UGT1A6: variants seen among roughly 807,000 people sequenced by gnomAD.
UGT1A6 encodes the protein UDP glucuronosyltransferase family 1 member A6, also known as UDP-glucuronosyltransferase 1A6.
UGT1A6 carries 32 observed loss-of-function variants against 44.4 expected under a neutral mutation model. The observed-to-expected ratio is 0.72, with a 90% confidence interval of 0.54 to 0.97. UGT1A6 has a LOEUF of 0.97. UGT1A6 is among the 50% of genes least tolerant of loss of function. The pLI, the probability that UGT1A6 is intolerant of heterozygous loss-of-function variation, is 0.00. For synonymous variants in UGT1A6, 238 were observed against 248.5 expected (o/e 0.96, Z 0.40); for missense variants, 685 against 661.9 (o/e 1.03, Z -0.38).
chr2:233,743,311 AT>A, intron 1 of UGT1A6: 5 of 650,736 alleles, frequency 7.7e-6, no homozygotes, highest in South Asian at 3.0e-5. Context: ...CTTGGTGGTG[AT>A]TTTTTTACCA....
chr2:233,724,289 T>C (rs1391719370), intron 1 of UGT1A6, among the ~76,000 whole-genome samples: 13 of 129,340 alleles, frequency 1.0e-4, no homozygotes, highest in African/African-American at 3.0e-4. Flanking sequence ...GGCGGGGGGC[T>C]GACCCCCCCA....
Position 233,767,538 on chromosome 2 carries a change from C to A in UGT1A6, c.994-311C>A, listed in dbSNP as rs1409490941. 5.3e-5 allele frequency among the ~76,000 whole-genome samples: 8 copies of A among 152,212 alleles called. No homozygotes were observed. The East Asian group carries it at 1.5e-3, about 29-fold the overall frequency. On this transcript the variant is annotated intron_variant, in intron 2 of 4. Transcript: ENST00000305139. ...ACTGAATTTATGTCTTACATTTCTGCTCTTATAGTTCTGCATCCACTTGTT... is the reference window on the plus strand; with the variant it reads ...ACTGAATTTATGTCTTACATTTCTGATCTTATAGTTCTGCATCCACTTGTT...
intron 1 of UGT1A6, chr2:233,760,629 G>A: frequency 6.2e-7 from 1 of 1,614,104 alleles, no homozygotes; most frequent in East Asian, 2.2e-5. Context: ...AAACATACAA[G>A]AAAATAAAAA....
chr2:233,718,884 G>T (rs755101119), intron 1 of UGT1A6: 44 of 1,614,026 alleles, frequency 2.7e-5, no homozygotes, highest in Non-Finnish European at 3.6e-5. Flanking sequence ...CCTCCTCAGT[G>T]TCCAGCCCTG....
At chr2:233,748,028 C>T in intron 1 of UGT1A6, 2 of 1,613,550 alleles carry the variant, frequency 1.2e-6, no homozygotes, top group Non-Finnish European at 8.5e-7. Context: ...TCATGCCCAA[C>T]ATGGTCTTCA....
Position 233,772,456 on chromosome 2 carries a change from T to C in UGT1A6, c.1496T>C (p.Leu499Pro), listed in dbSNP as rs763440969. ...ATTGGTTTCCTCTTGGCCGTCGTGCTGACAGTGGCCTTCATCACCTTTAAA... is the reference window on the plus strand; with the variant it reads ...ATTGGTTTCCTCTTGGCCGTCGTGCCGACAGTGGCCTTCATCACCTTTAAA... ...DVIGFLLAVV[L>P]TVAFITFKCC... Residue 499 changes from leucine to proline, a missense_variant, in exon 5 of 5, where the codon CTG (leucine) becomes CCG (proline). Physicochemically the swap from Leu to Pro is moderately conservative, Grantham distance 98. Coordinates refer to ENST00000305139, the MANE Select transcript of UGT1A6 (RefSeq NM_001072.4). The C allele has an allele frequency of 4.3e-6, 7 of 1,614,218 alleles. No individual in the cohort carries two copies. The highest frequency in any genetic ancestry group is 5.9e-6 in the Non-Finnish European group (7 of 1,180,044).
At chr2:233,700,009 G>A (rs1179705204) in intron 1 of UGT1A6, among the ~76,000 whole-genome samples, 2 of 152,160 alleles carry the variant, frequency 1.3e-5, no homozygotes, top group African/African-American at 2.4e-5. Context: ...AAAATGTCAC[G>A]AGTGCTGAAA....
At chr2:233,718,963 T>C (rs138086321) in intron 1 of UGT1A6, 288 of 1,614,194 alleles carry the variant, frequency 1.8e-4, no homozygotes, top group South Asian at 4.9e-4. Context: ...CGGGAGGCCT[T>C]GCGGGAGCTC....
At position 233,767,856 on chromosome 2, in the gene UGT1A6, G is replaced by A; in HGVS notation, c.1001G>A (p.Trp334Ter). 1 of 1,614,108 alleles carries A rather than the reference G, an allele frequency of 6.2e-7. No homozygotes were observed. Among genetic ancestry groups the A allele is most frequent in the Admixed American group, 1.7e-5 (1 of 60,022 alleles). The change falls in exon 3 of 5, where the codon TGG becomes TAG. Residue 334 changes from tryptophan (W) to a stop codon, truncating the protein, a stop_gained. Transcript: ENST00000305139. LOFTEE classifies it high-confidence loss of function. ...TCTTTTTGCCCCTCCCAGGTCCTGT[G>A]GCGGTACACTGGAACCCGACCATCG... Reference protein sequence around the residue: ...ALGKIPQTVLWRYTGTRPSNL... With the variant: ...ALGKIPQTVL
intron 1 of UGT1A6, among the ~76,000 whole-genome samples, chr2:233,721,322 G>C (rs1265391747): frequency 6.6e-6 from 1 of 152,066 alleles, no homozygotes; most frequent in Non-Finnish European, 1.5e-5. Context: ...CTCTTTTCTT[G>C]TGGTTTTTCA....
intron 1 of UGT1A6, among the ~76,000 whole-genome samples, chr2:233,757,151 G>T (rs1696421194): frequency 6.6e-6 from 1 of 151,298 alleles, no homozygotes; most frequent in African/African-American, 2.4e-5. Flanking sequence ...GGTGGGCTGG[G>T]GTCTATCCCA....
At chr2:233,771,561 C>T (rs1395815945) in intron 4 of UGT1A6, 1 of 152,134 alleles carries the variant, frequency 6.6e-6, no homozygotes, top group Admixed American at 6.6e-5. Context: ...GTTAATTTGG[C>T]CAGAGGTGGT....
intron 1 of UGT1A6, chr2:233,760,677 A>G (rs555950591): frequency 6.2e-7 from 1 of 1,614,148 alleles, no homozygotes; most frequent in Non-Finnish European, 8.5e-7. Context: ...GTTCCCACTT[A>G]CTGCACAACA....
At chr2:233,728,783 A>G (rs1324632843) in intron 1 of UGT1A6, among the ~76,000 whole-genome samples, 1 of 152,246 alleles carries the variant, frequency 6.6e-6, no homozygotes, top group East Asian at 1.9e-4. Flanking sequence ...CCTGATAAAC[A>G]TGGTTAACAG....
At chr2:233,724,265 G>C (rs1471463851) in intron 1 of UGT1A6, among the ~76,000 whole-genome samples, 1 of 132,982 alleles carries the variant, frequency 7.5e-6, no homozygotes, top group African/African-American at 2.9e-5. Context: ...CCTCCCGGAC[G>C]GGGCGGCTGG....
chr2:233,712,236 T>C (rs1331292376), intron 1 of UGT1A6, among the ~76,000 whole-genome samples: 1 of 152,234 alleles, frequency 6.6e-6, no homozygotes, highest in African/African-American at 2.4e-5. Flanking sequence ...ACCATGGGTC[T>C]TTGCTAGGGT....
chr2:233,743,044 G>GTCT, intron 1 of UGT1A6: 2 of 317,270 alleles, frequency 6.3e-6, no homozygotes, highest in Non-Finnish European at 1.2e-5. Flanking sequence ...TCCTATCCGT[G>GTCT]TAGTCCCAAC....
chr2:233,727,679 G>C lies in UGT1A6; in HGVS notation c.861+33814G>C, dbSNP rs376074254. Among the ~76,000 whole-genome samples, 5 of 152,276 alleles carry C rather than the reference G, an allele frequency of 3.3e-5. No homozygotes were observed. The East Asian group carries it at 7.7e-4, about 24-fold the overall frequency. The stretch of plus-strand genomic sequence containing the variant: ...TGCTCTATGTCCTTACAAATTCCCA[G>C]GAATCATCCTCTACTGGACAGTTCC... On this transcript the variant is annotated intron_variant, in intron 1 of 4. Coordinates refer to ENST00000305139, the MANE Select transcript of UGT1A6 (RefSeq NM_001072.4).
chr2:233,752,703 T>C (rs538720487), intron 1 of UGT1A6, among the ~76,000 whole-genome samples: 5 of 152,298 alleles, frequency 3.3e-5, no homozygotes, highest in African/African-American at 7.2e-5. Context: ...TAGTGGGGTA[T>C]GATCTTGCCT....
Sources: gnomAD v4.1 joint callset for allele counts (sites outside exome capture counted in the v4.1 genomes callset) on GRCh38, gnomAD v4.1.1 for gene constraint, MANE v1.5 for transcripts, NCBI Gene and HGNC (gene_info 2026-07-23, HGNC 2026-07-21) for gene names.